The following TMEM236 variants were observed in gnomAD, a reference collection of about 807,000 sequenced individuals.
The protein encoded by TMEM236 is transmembrane protein 236.
Under a neutral mutation model 14.7 loss-of-function variants are expected in TMEM236, and 11 were observed. The observed-to-expected ratio is 0.75, with a 90% CI of 0.47 to 1.24. The LOEUF (loss-of-function observed/expected upper bound fraction) is 1.24, where lower values mean the gene tolerates loss of function less well. Among genes scored for constraint, TMEM236 ranks in the 50% most tolerant of loss-of-function variants. The probability of loss-of-function intolerance (pLI) is 0.00; values close to 1 mark genes in which losing one functional copy is unlikely to be tolerated. For synonymous variants in TMEM236, 182 were observed against 168.6 expected, an observed-to-expected ratio of 1.08 and a Z score of -0.62; for missense variants, 464 against 427.3, an observed-to-expected ratio of 1.09 and a Z score of -0.76.
Position 17,785,803 on chromosome 10 carries a change from G to C in TMEM236, c.472+9633G>C, listed in dbSNP as rs1373830842. On this transcript the variant is annotated intron_variant, in intron 3 of 3. Transcript: ENST00000377495. Reference sequence around the variant, plus strand: ...GCTACTTAGAAGAAGGAAGTTTCAGGAAAGTATGTTAGTTCTAGGATTTTT... The same window carrying C: ...GCTACTTAGAAGAAGGAAGTTTCAGCAAAGTATGTTAGTTCTAGGATTTTT... Among the ~76,000 whole-genome samples, 16 of 152,194 alleles carry C rather than the reference G, an allele frequency of 1.1e-4. No individual in the cohort carries two copies. In the East Asian group the frequency reaches 2.3e-3, roughly 22 times the overall value.
At chr10:17,779,924 T>G (rs1837720350) in intron 3 of TMEM236, among the ~76,000 whole-genome samples, 1 of 152,182 alleles carries the variant, frequency 6.6e-6, no homozygotes, top group African/African-American at 2.4e-5. Context: ...TGGTGGATGT[T>G]TTGCTGGTGC....
chr10:17,775,042 C>T (rs1837637311), intron 2 of TMEM236, among the ~76,000 whole-genome samples: 1 of 152,064 alleles, frequency 6.6e-6, no homozygotes, highest in African/African-American at 2.4e-5. Flanking sequence ...CTCAGGTGAT[C>T]CACCTGCCTC....
chr10:17,794,575 C>CA (rs1420383478), intron 3 of TMEM236, among the ~76,000 whole-genome samples: 1 of 152,128 alleles, frequency 6.6e-6, no homozygotes, highest in Non-Finnish European at 1.5e-5. Context: ...AATGGTGTTG[C>CA]ATCACGTGCC....
chr10:17,798,873 G>C lies in TMEM236; in HGVS notation c.*2369G>C. 2 of 349,016 alleles carry C rather than the reference G, an allele frequency of 5.7e-6. No homozygotes were observed. The highest frequency in any genetic ancestry group is 4.5e-5 in the South Asian group (2 of 44,268). The allele number at this position is 349,016 out of a possible 1,614,324, so 21.6% of individuals were successfully genotyped here. A position where few individuals can be genotyped will look rare whatever the true frequency, so the allele number is the denominator to read the frequency against. On this transcript the variant is annotated 3_prime_UTR_variant, in exon 4 of 4. Coordinates refer to ENST00000377495, the MANE Select transcript of TMEM236 (RefSeq NM_001098844.3). ...TGCTAAGCATTGGAACGGGTACCAA[G>C]TCTCCAAGAAACAAGTATCTCAATG...
chr10:17,777,815 T>C (rs1837683463), intron 3 of TMEM236, among the ~76,000 whole-genome samples: 1 of 152,198 alleles, frequency 6.6e-6, no homozygotes, highest in East Asian at 1.9e-4. Context: ...CTCTGCTCGC[T>C]GCAACCTCTG....
intron 1 of TMEM236, among the ~76,000 whole-genome samples, chr10:17,760,325 C>G (rs1187038811): frequency 1.3e-5 from 2 of 149,154 alleles, no homozygotes; most frequent in African/African-American, 4.9e-5. Flanking sequence ...TCCTTGATCT[C>G]TTTTTCTGTT....
chr10:17,762,592 TATATATATATATATATATATATATATAC>T (rs1837385518), intron 1 of TMEM236, among the ~76,000 whole-genome samples: 1 of 72,564 alleles, frequency 1.4e-5, no homozygotes. Flanking sequence ...TATATATATA[TATATATATATATATATATATATATATAC>T]ACACATACAT....
At chr10:17,762,138 G>A (rs1029804663) in intron 1 of TMEM236, among the ~76,000 whole-genome samples, 3 of 152,072 alleles carry the variant, frequency 2.0e-5, no homozygotes, top group African/African-American at 7.2e-5. Context: ...GTCTCCAGGG[G>A]TGACTTCTCT....
Position 17,797,037 on chromosome 10 carries a change from C to G in TMEM236, c.*533C>G, listed in dbSNP as rs180678088. ...TTCATCCCAGAACCCAACCCCACCC[C>G]CAACCCTGGCTGTGGAAAAATTGTC... is the stretch of plus-strand genomic sequence containing the variant. On this transcript the variant is annotated 3_prime_UTR_variant, in exon 4 of 4. Transcript: ENST00000377495. 163 of 159,818 alleles carry G rather than the reference C, an allele frequency of 1.0e-3. 2 individuals carry two copies. The East Asian group carries it at 0.023, about 23-fold the overall frequency. The allele number at this position is 159,818 out of a possible 1,614,324, so 9.9% of individuals were successfully genotyped here. A position where few individuals can be genotyped will look rare whatever the true frequency, so the allele number is the denominator to read the frequency against.
intron 1 of TMEM236, 53 bp downstream of exon 1, chr10:17,752,605 C>A: frequency 6.3e-7 from 1 of 1,580,242 alleles, no homozygotes; most frequent in Non-Finnish European, 8.7e-7. Flanking sequence ...CTCGCTCTGT[C>A]ACCCAGGCTG....
chr10:17,753,711 G>A (rs1219112805), intron 1 of TMEM236, among the ~76,000 whole-genome samples: 1 of 152,146 alleles, frequency 6.6e-6, no homozygotes, highest in Non-Finnish European at 1.5e-5. Flanking sequence ...ACGAACATAC[G>A]GGTGCATGTG....
chr10:17,754,018 A>G (rs1184610539), intron 1 of TMEM236, among the ~76,000 whole-genome samples: 5 of 152,244 alleles, frequency 3.3e-5, no homozygotes, highest in Non-Finnish European at 5.9e-5. Flanking sequence ...ATTTTTCTAC[A>G]GTCATTTATA....
intron 3 of TMEM236, among the ~76,000 whole-genome samples, chr10:17,779,199 A>G (rs1837708626): frequency 6.6e-6 from 1 of 152,098 alleles, no homozygotes; most frequent in Non-Finnish European, 1.5e-5. Flanking sequence ...TTGCAACCAT[A>G]CCTGTTTCTA....
At position 17,800,304 on chromosome 10, in the gene TMEM236, T is replaced by C. The variant is rs1211341141; in HGVS notation, c.*3800T>C. On this transcript the variant is annotated 3_prime_UTR_variant, in exon 4 of 4. Transcript: ENST00000377495. ...AAAAATTAATCTATGATTAGGCTAT[T>C]AATATATAGTCTAATAATTTTATTG... is the stretch of plus-strand genomic sequence containing the variant. 1 of 151,888 alleles carries C rather than the reference T, an allele frequency of 6.6e-6. No homozygotes were observed. Among genetic ancestry groups the C allele is most frequent in the African/African-American group, 2.4e-5 (1 of 41,530 alleles). 9.4% of individuals were successfully genotyped at this position (151,888 alleles called of 1,614,324 possible). A position where few individuals can be genotyped will look rare whatever the true frequency, so the allele number is the denominator to read the frequency against.
intron 1 of TMEM236, among the ~76,000 whole-genome samples, chr10:17,769,789 A>T (rs1837537869): frequency 6.6e-6 from 1 of 152,154 alleles, no homozygotes; most frequent in African/African-American, 2.4e-5. Flanking sequence ...TGGGGGAGGC[A>T]AGACAGCGCC....
At chr10:17,758,729 G>C (rs1212585603) in intron 1 of TMEM236, among the ~76,000 whole-genome samples, 1 of 152,156 alleles carries the variant, frequency 6.6e-6, no homozygotes, top group Admixed American at 6.5e-5. Context: ...GGTAGAAGTG[G>C]CAATAAAACT....
At chr10:17,755,033 G>A (rs1197489658) in intron 1 of TMEM236, among the ~76,000 whole-genome samples, 3 of 151,854 alleles carry the variant, frequency 2.0e-5, no homozygotes, top group African/African-American at 7.3e-5. Flanking sequence ...CCGCCTCCTG[G>A]GTTCAAGCAA....
intron 3 of TMEM236, among the ~76,000 whole-genome samples, chr10:17,790,251 T>C (rs1370957879): frequency 1.3e-5 from 2 of 152,150 alleles, no homozygotes; most frequent in South Asian, 2.1e-4. Context: ...AATAAATAAA[T>C]GATGAAGCTG....
chr10:17,781,018 C>CT (rs1554835366), intron 3 of TMEM236, among the ~76,000 whole-genome samples: 2 of 152,166 alleles, frequency 1.3e-5, no homozygotes, highest in African/African-American at 4.8e-5. Flanking sequence ...TTCCACTTGG[C>CT]TGGTGCCATG....
Sources: allele counts gnomAD v4.1 joint callset (sites outside exome capture counted in the v4.1 genomes callset), GRCh38; gene constraint gnomAD v4.1.1; transcripts MANE v1.5; gene names NCBI Gene and HGNC (gene_info 2026-07-23, HGNC 2026-07-21).